Variants in PCDHA7 observed in about 807,000 individuals in gnomAD.
The protein encoded by PCDHA7 is protocadherin alpha-7.
Under a neutral mutation model 57.2 loss-of-function variants are expected in PCDHA7, and 37 were observed. The ratio of observed to expected loss-of-function variants is 0.65; its 90% CI spans 0.50 to 0.85. PCDHA7 has a LOEUF of 0.85. Among genes scored for constraint, PCDHA7 ranks in the 40% least tolerant of loss-of-function variants. PCDHA7 has a pLI of 0.00. For missense variants in PCDHA7, 1,188 were observed against 1,241.8 expected, an observed-to-expected ratio of 0.96 and a Z score of 0.65; for synonymous variants, 553 against 558.8, an observed-to-expected ratio of 0.99 and a Z score of 0.15.
intron 1 of PCDHA7, among the ~76,000 whole-genome samples, chr5:140,908,126 C>T (rs573751399): frequency 1.6e-4 from 24 of 152,360 alleles, no homozygotes; most frequent in South Asian, 1.0e-3. Context: ...TTTCCCTTCA[C>T]TGCTGTCCTT....
intron 1 of PCDHA7, chr5:140,884,043 C>A (rs1196406346): frequency 6.2e-7 from 1 of 1,613,248 alleles, no homozygotes; most frequent in African/African-American, 1.3e-5. Flanking sequence ...CACGTGGTGG[C>A]GAAGGTGCGC....
At chr5:140,965,555 G>A (rs1373065218) in intron 1 of PCDHA7, among the ~76,000 whole-genome samples, 4 of 151,798 alleles carry the variant, frequency 2.6e-5, no homozygotes, top group Non-Finnish European at 5.9e-5. Flanking sequence ...CCTGGCTTAG[G>A]AGATCAACAG....
At chr5:140,843,268 C>A in intron 1 of PCDHA7, 1 of 1,596,100 alleles carries the variant, frequency 6.3e-7, no homozygotes, top group Non-Finnish European at 8.6e-7. Flanking sequence ...GTCTGCTGGT[C>A]CTGGTGAAGG....
intron 1 of PCDHA7, chr5:140,929,120 A>G (rs781922658): frequency 6.2e-7 from 1 of 1,614,062 alleles, no homozygotes; most frequent in East Asian, 2.2e-5. Flanking sequence ...GCCACCATAG[A>G]TGTCACTACA....
intron 1 of PCDHA7, among the ~76,000 whole-genome samples, chr5:140,908,097 G>A (rs184366035): frequency 2.6e-5 from 4 of 152,212 alleles, no homozygotes; most frequent in African/African-American, 9.6e-5. Flanking sequence ...ACTGATTGAA[G>A]TTCTGTCCAC....
chr5:140,884,547 C>G, intron 1 of PCDHA7: 1 of 1,614,214 alleles, frequency 6.2e-7, no homozygotes, highest in East Asian at 2.2e-5. Context: ...AGGGTGTGCT[C>G]TGGGGAGGGC....
In PCDHA7 at chr5:140,982,474, G is replaced by C. The variant is rs2096985354; in HGVS notation, c.2415-1G>C. On this transcript the variant is annotated splice_acceptor_variant, in intron 2 of 3. Coordinates refer to ENST00000525929, the MANE Select transcript of PCDHA7 (RefSeq NM_018910.3). LOFTEE classifies it high-confidence loss of function. ...TTATCTGGGTCTGTGTGTTTATTCA[G>C]CTCTGTGCACCTAGAGGAGGCTGGC... 3 of 1,614,164 alleles carry C rather than the reference G, an allele frequency of 1.9e-6. No individual in the cohort carries two copies. The highest frequency in any genetic ancestry group is 2.5e-6 in the Non-Finnish European group (3 of 1,180,024).
rs1031755500 is a variant in PCDHA7 at position 140,856,096 on chromosome 5, G to A, written c.2355+19358G>A. 31 of 1,597,342 alleles carry A rather than the reference G, an allele frequency of 1.9e-5. 3 individuals are homozygous for A. The Admixed American group carries it at 5.2e-4, about 27-fold the overall frequency. On this transcript the variant is annotated intron_variant, in intron 1 of 3. Transcript: ENST00000525929. ...TGGGGGTCCAGTGTCTGCTGCTCTCGCTTCTTCTCCTCGCAGCCTGGGAGG... is the reference window on the plus strand; with the variant it reads ...TGGGGGTCCAGTGTCTGCTGCTCTCACTTCTTCTCCTCGCAGCCTGGGAGG...
intron 1 of PCDHA7, chr5:140,871,236 ACTCACGCTG>A: frequency 6.2e-7 from 1 of 1,613,908 alleles, no homozygotes; most frequent in Non-Finnish European, 8.5e-7. Context: ...GCCTCCTGGT[ACTCACGCTG>A]CTGCTGTATA....
intron 1 of PCDHA7, among the ~76,000 whole-genome samples, chr5:140,838,280 A>ATTTT (rs34299325): frequency 0.022 from 3,084 of 139,540 alleles, 138 homozygotes; most frequent in African/African-American, 0.08. Context: ...AGCCATGCTA[A>ATTTT]TTTTTTTTTT....
At chr5:140,867,783 G>A (rs1426151534) in intron 1 of PCDHA7, 1 of 152,002 alleles carries the variant, frequency 6.6e-6, no homozygotes, top group Non-Finnish European at 1.5e-5. Flanking sequence ...AGCAATTCCT[G>A]TATTTTACTT....
At chr5:140,974,647 G>GATT (rs2096635431) in intron 1 of PCDHA7, among the ~76,000 whole-genome samples, 1 of 152,068 alleles carries the variant, frequency 6.6e-6, no homozygotes, top group African/African-American at 2.4e-5. Context: ...GAGTAGCTGA[G>GATT]ATTACAGGCA....
chr5:140,875,834 T>C (rs1562703586), intron 1 of PCDHA7: 2 of 1,613,958 alleles, frequency 1.2e-6, no homozygotes, highest in Non-Finnish European at 1.7e-6. Context: ...CATGTGGACG[T>C]GGAGGTGAAG....
intron 1 of PCDHA7, chr5:140,863,681 T>C (rs2048119190): frequency 6.8e-6 from 2 of 294,950 alleles, no homozygotes; most frequent in Non-Finnish European, 1.3e-5. Flanking sequence ...TTTTGCTTTT[T>C]CTTTTGAGAT....
chr5:140,870,695 A>C, intron 1 of PCDHA7: 1 of 1,613,024 alleles, frequency 6.2e-7, no homozygotes, highest in East Asian at 2.2e-5. Context: ...GAGCTGCTAC[A>C]GTTCCAGGTG....
Position 140,834,605 on chromosome 5 carries a change from T to G in PCDHA7, c.222T>G (p.Leu74=), listed in dbSNP as rs2150222820. 19 of 1,613,994 alleles carry G rather than the reference T, an allele frequency of 1.2e-5. No homozygotes were observed. The South Asian group carries it at 2.1e-4, about 18-fold the overall frequency. Residue 74 remains leucine, a synonymous_variant, in exon 1 of 4, where the codon CTT becomes CTG. Coordinates refer to ENST00000525929, the MANE Select transcript of PCDHA7 (RefSeq NM_018910.3). Reference sequence around the variant, plus strand: ...CGGTGTGCAAATTCCGTGGGGATCTTCTGGAGGTAAATCTGCAGAATGGCA... The same window carrying G: ...CGGTGTGCAAATTCCGTGGGGATCTGCTGGAGGTAAATCTGCAGAATGGCA... ...FRAVCKFRGD[L]LEVNLQNGIL...
At chr5:140,848,903 A>T in intron 1 of PCDHA7, 1 of 1,607,734 alleles carries the variant, frequency 6.2e-7, no homozygotes, top group Non-Finnish European at 8.5e-7. Context: ...TCCCAGCGAC[A>T]CAAAAGAATC....
intron 1 of PCDHA7, chr5:140,851,385 AGTATCTATTATTTT>A: frequency 4.1e-6 from 4 of 975,218 alleles, no homozygotes; most frequent in Non-Finnish European, 5.0e-6. Flanking sequence ...AGCAACCTTC[AGTATCTATTATTTT>A]AATAAGAAAG....
intron 1 of PCDHA7, among the ~76,000 whole-genome samples, chr5:140,916,438 A>G (rs975528805): frequency 4.6e-5 from 7 of 152,234 alleles, no homozygotes; most frequent in Admixed American, 4.6e-4. Flanking sequence ...TAAGGCCCAC[A>G]GTATACTACC....
Sources: allele counts gnomAD v4.1 joint callset (sites outside exome capture counted in the v4.1 genomes callset), GRCh38; gene constraint gnomAD v4.1.1; transcripts MANE v1.5; gene names NCBI Gene and HGNC (gene_info 2026-07-23, HGNC 2026-07-21).